Variants in PAK1 observed in about 807,000 individuals in gnomAD.
The protein encoded by PAK1 is p21 (RAC1) activated kinase 1.
In PAK1, 29 loss-of-function variants were observed where a neutral mutation model predicts 67.4. The ratio of observed to expected loss-of-function variants is 0.43; its 90% CI spans 0.32 to 0.59. The LOEUF is 0.59. Among genes scored for constraint, PAK1 ranks in the 20% least tolerant of loss-of-function variants. PAK1 has a pLI of 0.07. For synonymous variants in PAK1, 223 were observed against 237.4 expected (o/e 0.94, Z 0.56); for missense variants, 337 against 670.7 (o/e 0.50, Z 5.50).
chr11:77,328,736 G>A (rs1203037592), intron 14 of PAK1, among the ~76,000 whole-genome samples: 1 of 152,102 alleles, frequency 6.6e-6, no homozygotes, highest in Non-Finnish European at 1.5e-5. Flanking sequence ...AGAAAAGCAA[G>A]AGCAAACACA....
chr11:77,351,664 G>A (rs1945263471), intron 8 of PAK1, among the ~76,000 whole-genome samples: 1 of 151,808 alleles, frequency 6.6e-6, no homozygotes, highest in South Asian at 2.1e-4. Context: ...GCAAATAACA[G>A]ATGTGAACTG....
At chr11:77,416,603 TAATA>T (rs1954966573) in intron 1 of PAK1, among the ~76,000 whole-genome samples, 1 of 152,202 alleles carries the variant, frequency 6.6e-6, no homozygotes, top group Non-Finnish European at 1.5e-5. Flanking sequence ...ACAAAAAGAA[TAATA>T]AATATATAAA....
intron 1 of PAK1, among the ~76,000 whole-genome samples, chr11:77,471,192 A>G (rs917942298): frequency 2.0e-5 from 3 of 151,958 alleles, no homozygotes; most frequent in East Asian, 3.9e-4. Flanking sequence ...TTGGCAAGAG[A>G]GGGATGGGAT....
At chr11:77,510,872 G>C in the PAK1 span, among the ~76,000 whole-genome samples, 65 of 152,188 alleles carry the variant, frequency 4.3e-4, no homozygotes, top group Admixed American at 7.2e-4. Flanking sequence ...TTATTTATTT[G>C]GCTTATTCCT....
At chr11:77,519,628 GT>G in the PAK1 span, among the ~76,000 whole-genome samples, 30 of 152,024 alleles carry the variant, frequency 2.0e-4, no homozygotes, top group African/African-American at 6.5e-4. Flanking sequence ...CAAAATGCTG[GT>G]TTTTTTTTCC....
At chr11:77,349,137 A>AG in intron 9 of PAK1, 102 bp downstream of exon 9, 1 of 850,878 alleles carries the variant, frequency 1.2e-6, no homozygotes, top group Admixed American at 2.7e-5. Flanking sequence ...AAAAAAAAAA[A>AG]AAAACCTAGA....
chr11:77,403,732 T>C (rs1028216437), intron 1 of PAK1, among the ~76,000 whole-genome samples: 1 of 152,214 alleles, frequency 6.6e-6, no homozygotes, highest in Non-Finnish European at 1.5e-5. Flanking sequence ...AGCAGCCAAA[T>C]GTCCTAGAGA....
At chr11:77,413,513 G>A (rs1039115964) in intron 1 of PAK1, among the ~76,000 whole-genome samples, 4 of 151,950 alleles carry the variant, frequency 2.6e-5, no homozygotes, top group Admixed American at 6.6e-5. Context: ...GTGAAACCCC[G>A]TCTCTACTAA....
intron 2 of PAK1, among the ~76,000 whole-genome samples, chr11:77,391,536 TAAG>T (rs1951141144): frequency 1.3e-5 from 2 of 152,158 alleles, no homozygotes; most frequent in Non-Finnish European, 2.9e-5. Flanking sequence ...TAGCATGCCA[TAAG>T]AACAGGGCCC....
At chr11:77,526,313 AT>A in the PAK1 span, among the ~76,000 whole-genome samples, 1 of 152,216 alleles carries the variant, frequency 6.6e-6, no homozygotes, top group Non-Finnish European at 1.5e-5. Flanking sequence ...TGAGGTGAAA[AT>A]AACCAAATAA....
chr11:77,464,997 T>TGTGC (rs1405832700), intron 1 of PAK1, among the ~76,000 whole-genome samples: 1 of 142,518 alleles, frequency 7.0e-6, no homozygotes, highest in Non-Finnish European at 1.5e-5. Flanking sequence ...AGAGTGTGTG[T>TGTGC]GTGTGTGTGT....
chr11:77,521,646 C>T, the PAK1 span, among the ~76,000 whole-genome samples: 1 of 152,126 alleles, frequency 6.6e-6, no homozygotes, highest in African/African-American at 2.4e-5. Context: ...AAAAGGATGT[C>T]TTGTGACACA....
At chr11:77,421,178 A>T (rs1955241460) in intron 1 of PAK1, among the ~76,000 whole-genome samples, 1 of 152,026 alleles carries the variant, frequency 6.6e-6, no homozygotes, top group African/African-American at 2.4e-5. Flanking sequence ...CACTGACCTT[A>T]TCTCCGACTT....
At chr11:77,524,329 T>TA in the PAK1 span, among the ~76,000 whole-genome samples, 1 of 152,176 alleles carries the variant, frequency 6.6e-6, no homozygotes, top group Non-Finnish European at 1.5e-5. Flanking sequence ...GGAAGGGACT[T>TA]ACAGTTCCCA....
chr11:77,401,276 T>G (rs898893589), intron 1 of PAK1, among the ~76,000 whole-genome samples: 8 of 152,162 alleles, frequency 5.3e-5, no homozygotes, highest in African/African-American at 1.9e-4. Context: ...TTGAATTTGC[T>G]GAGGGATGTC....
chr11:77,343,685 C>T, intron 10 of PAK1, 134 bp downstream of exon 10: 1 of 659,486 alleles, frequency 1.5e-6, no homozygotes, highest in Non-Finnish European at 2.7e-6. Flanking sequence ...GGGTCACATA[C>T]AGAGAGCTCA....
At chr11:77,423,402 TACAC>T (rs5792767) in intron 1 of PAK1, among the ~76,000 whole-genome samples, 18,488 of 136,896 alleles carry the variant, frequency 0.14, 2,188 homozygotes, top group African/African-American at 0.33. Context: ...TGCTTTCAAA[TACAC>T]ACACACACAC....
At chr11:77,326,557 C>T (rs543906805) in intron 14 of PAK1, among the ~76,000 whole-genome samples, 12 of 152,060 alleles carry the variant, frequency 7.9e-5, no homozygotes, top group South Asian at 2.1e-4. Context: ...TGGTGGTGCA[C>T]GCCTATAGTC....
chr11:77,482,837 A>T, the PAK1 span, among the ~76,000 whole-genome samples: 1 of 152,014 alleles, frequency 6.6e-6, no homozygotes, highest in African/African-American at 2.4e-5. Flanking sequence ...ACTCCTAGGC[A>T]CAAGCGATCC....
Sources: allele counts gnomAD v4.1 joint callset (sites outside exome capture counted in the v4.1 genomes callset), GRCh38; gene constraint gnomAD v4.1.1; transcripts MANE v1.5; gene names NCBI Gene and HGNC (gene_info 2026-07-23, HGNC 2026-07-21).